Variants in ZNF385D observed in about 807,000 individuals in gnomAD.
The protein encoded by ZNF385D is zinc finger protein 385D.
ZNF385D carries 15 observed loss-of-function variants against 35.8 expected under a neutral mutation model. The ratio of observed to expected loss-of-function variants is 0.42; its 90% CI spans 0.28 to 0.64. The LOEUF (loss-of-function observed/expected upper bound fraction) is 0.64. ZNF385D is among the 30% of genes least tolerant of loss of function. The pLI is 0.23. For synonymous variants in ZNF385D, 212 were observed against 186.8 expected, an observed-to-expected ratio of 1.13 and a Z score of -1.10; for missense variants, 474 against 494.6, an observed-to-expected ratio of 0.96 and a Z score of 0.39.
At chr3:22,168,269 T>A (rs1285272518) in intron 3 of ZNF385D, among the ~76,000 whole-genome samples, 3 of 152,164 alleles carry the variant, frequency 2.0e-5, no homozygotes, top group Non-Finnish European at 4.4e-5. Context: ...ATTTGAAAAA[T>A]CTATTCACTC....
chr3:22,348,771 G>A (rs1409666547), intron 2 of ZNF385D, among the ~76,000 whole-genome samples: 4 of 152,182 alleles, frequency 2.6e-5, no homozygotes, highest in Non-Finnish European at 5.9e-5. Flanking sequence ...GCAGAAGACT[G>A]CTATCTACCA....
chr3:22,281,569 C>A (rs147142674), intron 2 of ZNF385D, among the ~76,000 whole-genome samples: 8 of 151,916 alleles, frequency 5.3e-5, no homozygotes, highest in African/African-American at 1.9e-4. Flanking sequence ...ACCATCCCTG[C>A]GCATCCCTTG....
chr3:22,131,330 T>G (rs1015174033), intron 3 of ZNF385D, among the ~76,000 whole-genome samples: 17 of 151,472 alleles, frequency 1.1e-4, no homozygotes, highest in African/African-American at 3.4e-4. Context: ...AGAGTTTCAG[T>G]GAACAGGTAA....
chr3:22,303,595 T>G (rs1703037456), intron 2 of ZNF385D, among the ~76,000 whole-genome samples: 1 of 152,150 alleles, frequency 6.6e-6, no homozygotes, highest in African/African-American at 2.4e-5. Context: ...TGCTTTTCTG[T>G]GCCAGGAGAG....
At chr3:22,346,882 A>G (rs1258030181) in intron 2 of ZNF385D, among the ~76,000 whole-genome samples, 1 of 152,192 alleles carries the variant, frequency 6.6e-6, no homozygotes, top group African/African-American at 2.4e-5. Context: ...GCGACACTAC[A>G]CTATCATAAT....
At chr3:21,990,375 AT>A (rs933357019) in intron 3 of ZNF385D, among the ~76,000 whole-genome samples, 23 of 152,258 alleles carry the variant, frequency 1.5e-4, no homozygotes, top group African/African-American at 4.6e-4. Context: ...ATCACTCTCC[AT>A]TTTCTATCTT....
intron 2 of ZNF385D, among the ~76,000 whole-genome samples, chr3:22,329,810 CAAT>C (rs929040073): frequency 2.6e-5 from 4 of 152,224 alleles, no homozygotes; most frequent in African/African-American, 7.2e-5. Context: ...AATATATACA[CAAT>C]ATTACTTTAA....
At chr3:21,878,729 T>C (rs1265122057) in intron 3 of ZNF385D, among the ~76,000 whole-genome samples, 1 of 152,096 alleles carries the variant, frequency 6.6e-6, no homozygotes, top group African/African-American at 2.4e-5. Context: ...GAGTCATGGA[T>C]GTGCTTCTAT....
chr3:22,097,314 T>G (rs73822852), intron 3 of ZNF385D, among the ~76,000 whole-genome samples: 2,651 of 152,146 alleles, frequency 0.017, 88 homozygotes, highest in African/African-American at 0.06. Flanking sequence ...AATAAAAACC[T>G]AAAATATATG....
intron 3 of ZNF385D, among the ~76,000 whole-genome samples, chr3:21,966,735 C>T (rs979065049): frequency 6.6e-6 from 1 of 152,162 alleles, no homozygotes; most frequent in East Asian, 1.9e-4. Flanking sequence ...GCACGCACCA[C>T]CACGCCCAGC....
chr3:21,638,082 A>T lies in ZNF385D; in HGVS notation c.165+26804T>A, dbSNP rs117928145. ...TACTGGTCATTACATTGTGCTGGAC[A>T]TATTAGCAGAGAAACTTTAGCCAGC... On this transcript the variant is annotated intron_variant, in intron 2 of 7. Coordinates refer to ENST00000281523, the MANE Select transcript of ZNF385D (RefSeq NM_024697.3). Among the ~76,000 whole-genome samples, 50 of 152,292 alleles carry T rather than the reference A, an allele frequency of 3.3e-4. 1 individual carries two copies. In the East Asian group the frequency reaches 9.3e-3, roughly 28 times the overall value.
At chr3:22,060,289 T>C (rs12636083) in intron 3 of ZNF385D, among the ~76,000 whole-genome samples, 3,206 of 152,302 alleles carry the variant, frequency 0.021, 67 homozygotes, top group East Asian at 0.053. Flanking sequence ...TGTATCTCTG[T>C]ATACCCTATT....
chr3:21,801,053 GTAAT>G (rs1285887065), intron 3 of ZNF385D, among the ~76,000 whole-genome samples: 1 of 151,966 alleles, frequency 6.6e-6, no homozygotes, highest in Non-Finnish European at 1.5e-5. Context: ...GTTTTGTCAA[GTAAT>G]TTTTCTGCAT....
In ZNF385D at chr3:22,218,138, G is replaced by A. The variant is rs115915185; in HGVS notation, c.107-49103C>T. On this transcript the variant is annotated intron_variant, in intron 2 of 5. Coordinates refer to the ZNF385D transcript ENST00000494108. Reference sequence around the variant, plus strand: ...AGACTGTAAATTCCACAGCTATCTCGTAGGAATTTTTACTTACAATTTCAT... The same window carrying A: ...AGACTGTAAATTCCACAGCTATCTCATAGGAATTTTTACTTACAATTTCAT... 4.5e-3 allele frequency among the ~76,000 whole-genome samples: 680 copies of A among 152,008 alleles called. 4 individuals are homozygous for A. Among genetic ancestry groups the A allele is most frequent in the African/African-American group, 0.016 (645 of 41,476 alleles).
intron 3 of ZNF385D, among the ~76,000 whole-genome samples, chr3:21,766,707 G>A (rs1052487545): frequency 6.6e-6 from 1 of 152,056 alleles, no homozygotes; most frequent in African/African-American, 2.4e-5. Flanking sequence ...AGATAGAATA[G>A]CTGAAAGTGA....
rs1458243735 is a variant in ZNF385D at position 22,059,836 on chromosome 3, G to A, written c.325+108981C>T. On this transcript the variant is annotated intron_variant, in intron 3 of 5. Transcript: ENST00000494108. ...AGTTGGTAAAACATTATTTCTGGGT[G>A]TGACTGTGTGGGTGTTTCTGGAAGA... 3.3e-5 allele frequency among the ~76,000 whole-genome samples: 5 copies of A among 152,196 alleles called. 1 individual carries two copies. The highest frequency in any genetic ancestry group is 1.2e-4 in the African/African-American group (5 of 41,448).
At chr3:22,137,093 T>C (rs1576382499) in intron 3 of ZNF385D, among the ~76,000 whole-genome samples, 1 of 152,220 alleles carries the variant, frequency 6.6e-6, no homozygotes, top group African/African-American at 2.4e-5. Flanking sequence ...GTTAATAATG[T>C]ACTATTACCT....
intron 3 of ZNF385D, among the ~76,000 whole-genome samples, chr3:21,995,220 GT>G (rs1695385466): frequency 6.6e-6 from 1 of 152,222 alleles, no homozygotes; most frequent in African/African-American, 2.4e-5. Context: ...AGCATATGTG[GT>G]AGGGGCCAAT....
At chr3:22,259,027 AT>A (rs1416891419) in intron 2 of ZNF385D, among the ~76,000 whole-genome samples, 2 of 151,812 alleles carry the variant, frequency 1.3e-5, no homozygotes, top group African/African-American at 2.4e-5. Context: ...ACATGTGGTA[AT>A]TTTGTAAAGT....
Sources: gnomAD v4.1 joint callset for allele counts (sites outside exome capture counted in the v4.1 genomes callset) on GRCh38, gnomAD v4.1.1 for gene constraint, MANE v1.5 for transcripts, NCBI Gene and HGNC (gene_info 2026-07-23, HGNC 2026-07-21) for gene names.